Variants in FAM135B observed in about 807,000 individuals in gnomAD.
The protein encoded by FAM135B is family with sequence similarity 135 member B.
Under a neutral mutation model 127.7 loss-of-function variants are expected in FAM135B, and 43 were observed. That is an observed-to-expected ratio of 0.34 (90% CI 0.26 to 0.43). The LOEUF (loss-of-function observed/expected upper bound fraction) is 0.43, where lower values mean the gene tolerates loss of function less well. Among genes scored for constraint, FAM135B ranks in the 20% least tolerant of loss-of-function variants. The pLI is 1.00. For synonymous variants in FAM135B, 670 were observed against 665.1 expected (o/e 1.01, Z -0.11); for missense variants, 1,558 against 1,725.6 (o/e 0.90, Z 1.72).
chr8:138,346,728 C>T (rs1030192077), intron 2 of FAM135B, among the ~76,000 whole-genome samples: 1 of 152,064 alleles, frequency 6.6e-6, no homozygotes, highest in Admixed American at 6.6e-5. Flanking sequence ...GGGCTTAATA[C>T]CTAGGTGATG....
intron 12 of FAM135B, among the ~76,000 whole-genome samples, chr8:138,159,372 A>G (rs1294284249): frequency 3.3e-5 from 5 of 150,362 alleles, no homozygotes; most frequent in Non-Finnish European, 7.4e-5. Flanking sequence ...CATCAATGAT[A>G]GACTGGATGA....
At chr8:138,228,992 G>A (rs2130176574) in intron 7 of FAM135B, among the ~76,000 whole-genome samples, 1 of 152,228 alleles carries the variant, frequency 6.6e-6, no homozygotes. Flanking sequence ...TGCATTGACT[G>A]CTTTATCCCT....
chr8:138,277,934 C>A (rs1271570658), intron 3 of FAM135B, among the ~76,000 whole-genome samples: 2 of 152,146 alleles, frequency 1.3e-5, no homozygotes, highest in South Asian at 4.2e-4. Flanking sequence ...TTGAAGAATC[C>A]CCAATATTAT....
chr8:138,470,572 C>T (rs1837623417), intron 1 of FAM135B, among the ~76,000 whole-genome samples: 1 of 152,140 alleles, frequency 6.6e-6, no homozygotes, highest in African/African-American at 2.4e-5. Flanking sequence ...GTGTAATTAT[C>T]AGTATTGTCT....
intron 1 of FAM135B, among the ~76,000 whole-genome samples, chr8:138,474,932 A>G (rs1331861561): frequency 1.1e-4 from 16 of 152,096 alleles, no homozygotes; most frequent in Non-Finnish European, 4.4e-5. Context: ...ACTAATCCTT[A>G]ACCACCCGGT....
At chr8:138,290,133 ACCGAGTCCCCC>A (rs1159543085) in intron 3 of FAM135B, among the ~76,000 whole-genome samples, 8 of 152,080 alleles carry the variant, frequency 5.3e-5, no homozygotes, top group African/African-American at 1.9e-4. Context: ...ATGAATCATC[ACCGAGTCCCCC>A]TTATGAGCTG....
intron 1 of FAM135B, among the ~76,000 whole-genome samples, chr8:138,401,232 T>G (rs747650031): frequency 6.6e-5 from 10 of 152,242 alleles, no homozygotes; most frequent in Non-Finnish European, 1.2e-4. Flanking sequence ...GCAGGACTAG[T>G]GCAGAATGTC....
intron 9 of FAM135B, among the ~76,000 whole-genome samples, chr8:138,184,380 GT>G (rs1815358527): frequency 6.6e-6 from 1 of 152,150 alleles, no homozygotes; most frequent in Admixed American, 6.5e-5. Flanking sequence ...AGTGAGAGTT[GT>G]CCCTGTGTTG....
In FAM135B at chr8:138,178,429, C is replaced by T. The variant is rs78098565; in HGVS notation, c.1029+106G>A. On this transcript the variant is annotated intron_variant, in intron 10 of 19. Coordinates refer to ENST00000395297, the MANE Select transcript of FAM135B (RefSeq NM_015912.4). ...CGGTCATGGTAGAGACACGAAAGCA[C>T]GAAGATCTAGAGGCCAATCCTAATG... The T allele has an allele frequency of 9.4e-4, 1,276 of 1,352,924 alleles. 9 individuals are homozygous for T. The African/African-American group carries it at 0.017, about 18-fold the overall frequency. 83.8% of individuals were successfully genotyped at this position (1,352,924 alleles called of 1,614,324 possible). A position where few individuals can be genotyped will look rare whatever the true frequency, so the allele number is the denominator to read the frequency against.
chr8:138,402,908 G>A (rs192564762), intron 1 of FAM135B, among the ~76,000 whole-genome samples: 1 of 152,228 alleles, frequency 6.6e-6, no homozygotes, highest in African/African-American at 2.4e-5. Flanking sequence ...CATGAAGGTG[G>A]AAACTCTCAA....
chr8:138,444,441 C>A (rs7838669), intron 1 of FAM135B, among the ~76,000 whole-genome samples: 78,379 of 151,834 alleles, frequency 0.52, 20,996 homozygotes, highest in African/African-American at 0.64. Context: ...CAGAAATTAT[C>A]ACAAACTCTC....
intron 1 of FAM135B, among the ~76,000 whole-genome samples, chr8:138,432,705 A>G (rs764348364): frequency 1.3e-5 from 2 of 152,088 alleles, no homozygotes; most frequent in Non-Finnish European, 2.9e-5. Context: ...TTCATCTTCT[A>G]TTAGCATAGG....
chr8:138,309,925 A>T (rs1472209795), intron 3 of FAM135B, among the ~76,000 whole-genome samples: 1 of 140,594 alleles, frequency 7.1e-6, no homozygotes, highest in Non-Finnish European at 1.5e-5. Context: ...AGTGCAGTGC[A>T]GTGGCACAAT....
In FAM135B at chr8:138,416,505, C is replaced by T. The variant is rs541627711; in HGVS notation, c.-19-48503G>A. Reference sequence around the variant, plus strand: ...TCACTTTTTATCTTGTGTTATCATCCTTTTAGTCTATCTTTTCCCCTTCTC... The same window carrying T: ...TCACTTTTTATCTTGTGTTATCATCTTTTTAGTCTATCTTTTCCCCTTCTC... On this transcript the variant is annotated intron_variant, in intron 1 of 19. Transcript: ENST00000395297. Among the ~76,000 whole-genome samples, 10 of 152,082 alleles carry T rather than the reference C, an allele frequency of 6.6e-5. No homozygotes were observed. The South Asian group carries it at 1.5e-3, about 22-fold the overall frequency.
At chr8:138,275,311 T>A (rs1010198041) in intron 3 of FAM135B, among the ~76,000 whole-genome samples, 7 of 152,192 alleles carry the variant, frequency 4.6e-5, no homozygotes, top group African/African-American at 1.7e-4. Context: ...TTTCAAAAAA[T>A]GTTCTCTCAA....
chr8:138,491,492 C>A (rs1440528298), intron 1 of FAM135B, among the ~76,000 whole-genome samples: 1 of 152,168 alleles, frequency 6.6e-6, no homozygotes, highest in East Asian at 1.9e-4. Context: ...TTAATTCTAA[C>A]CCACAATTTG....
At chr8:138,447,587 A>T (rs1005073647) in intron 1 of FAM135B, among the ~76,000 whole-genome samples, 4 of 142,770 alleles carry the variant, frequency 2.8e-5, no homozygotes, top group Non-Finnish European at 6.1e-5. Flanking sequence ...TCTCACTCAT[A>T]GGTGGGAATT....
intron 6 of FAM135B, among the ~76,000 whole-genome samples, chr8:138,250,082 G>A (rs1207090004): frequency 1.3e-5 from 2 of 152,158 alleles, no homozygotes; most frequent in Non-Finnish European, 2.9e-5. Context: ...GCTGGGTGTG[G>A]TGGCTCACGC....
intron 5 of FAM135B, among the ~76,000 whole-genome samples, chr8:138,252,852 TGCAG>T (rs1586891185): frequency 1.3e-5 from 2 of 152,228 alleles, no homozygotes; most frequent in East Asian, 3.9e-4. Context: ...CAGGCTGGAG[TGCAG>T]TGGCATAATC....
Sources: gnomAD v4.1 joint callset for allele counts (sites outside exome capture counted in the v4.1 genomes callset) on GRCh38, gnomAD v4.1.1 for gene constraint, MANE v1.5 for transcripts, NCBI Gene and HGNC (gene_info 2026-07-23, HGNC 2026-07-21) for gene names.